FGF14: variants seen among roughly 807,000 people sequenced by gnomAD.
FGF14 encodes fibroblast growth factor homologous factor 4.
FGF14 carries 5 observed loss-of-function variants against 25.5 expected under a neutral mutation model. That is an observed-to-expected ratio of 0.20 (90% CI 0.10 to 0.41). FGF14 has a LOEUF of 0.41. FGF14 is among the 10% of genes least tolerant of loss of function. The pLI is 1.00. For synonymous variants in FGF14, 138 were observed against 118.3 expected (o/e 1.17, Z -1.08); for missense variants, 222 against 320.1 (o/e 0.69, Z 2.34).
At chr13:102,354,730 T>A (rs1465106514) in intron 1 of FGF14, among the ~76,000 whole-genome samples, 1 of 152,206 alleles carries the variant, frequency 6.6e-6, no homozygotes, top group African/African-American at 2.4e-5. Flanking sequence ...GATTGAGTCC[T>A]ATCTCAGATA....
intron 3 of FGF14, among the ~76,000 whole-genome samples, chr13:101,827,656 AT>A (rs2042453499): frequency 6.6e-6 from 1 of 151,920 alleles, no homozygotes; most frequent in African/African-American, 2.4e-5. Flanking sequence ...TGAAAACAAC[AT>A]TTTTTAACCT....
At chr13:102,158,270 C>T (rs536613799) in intron 1 of FGF14, among the ~76,000 whole-genome samples, 82 of 152,256 alleles carry the variant, frequency 5.4e-4, no homozygotes, top group African/African-American at 1.9e-3. Flanking sequence ...GGAACCAACC[C>T]AAATGTCCAA....
At chr13:101,797,669 T>A (rs992424135) in intron 3 of FGF14, among the ~76,000 whole-genome samples, 1 of 151,444 alleles carries the variant, frequency 6.6e-6, no homozygotes, top group Non-Finnish European at 1.5e-5. Flanking sequence ...TGAAAATGTA[T>A]TATCTGACCA....
intron 1 of FGF14, among the ~76,000 whole-genome samples, chr13:102,361,491 T>G (rs2057564104): frequency 6.6e-6 from 1 of 152,152 alleles, no homozygotes; most frequent in African/African-American, 2.4e-5. Context: ...CTGTGTTGGT[T>G]GTGAATTTTC....
chr13:102,182,075 C>G (rs935978352), intron 1 of FGF14, among the ~76,000 whole-genome samples: 3 of 151,984 alleles, frequency 2.0e-5, no homozygotes, highest in African/African-American at 7.3e-5. Context: ...ACTCCTGGAC[C>G]CTGCATTGTG....
chr13:101,721,906 C>G lies in FGF14; in HGVS notation c.*925G>C, dbSNP rs1035838081. On this transcript the variant is annotated 3_prime_UTR_variant, in exon 5 of 5. Coordinates refer to ENST00000376143, the MANE Select transcript of FGF14 (RefSeq NM_004115.4). Reference sequence around the variant, plus strand: ...GAGAATTAATAGATGAAAAATGAACCTTAATCAGGCCTACAAGGCCTACAG... The same window carrying G: ...GAGAATTAATAGATGAAAAATGAACGTTAATCAGGCCTACAAGGCCTACAG... The G allele has an allele frequency of 2.7e-5, 4 of 150,626 alleles. No homozygotes were observed. Among genetic ancestry groups the G allele is most frequent in the Admixed American group, 2.7e-4 (4 of 15,088 alleles). 9.3% of individuals were successfully genotyped at this position (150,626 alleles called of 1,614,324 possible).
At chr13:102,364,240 C>A (rs1046515789) in intron 1 of FGF14, among the ~76,000 whole-genome samples, 2 of 152,236 alleles carry the variant, frequency 1.3e-5, no homozygotes, top group African/African-American at 2.4e-5. Context: ...ATCAAAAGCA[C>A]TTGTGCTGTA....
intron 1 of FGF14, among the ~76,000 whole-genome samples, chr13:102,082,471 A>C (rs2043670884): frequency 6.6e-6 from 1 of 152,218 alleles, no homozygotes; most frequent in African/African-American, 2.4e-5. Flanking sequence ...CACAACCAGA[A>C]AATCAACAAC....
At chr13:102,277,462 T>C (rs961555193) in intron 1 of FGF14, among the ~76,000 whole-genome samples, 15 of 152,350 alleles carry the variant, frequency 9.8e-5, no homozygotes, top group Middle Eastern at 6.8e-3. Flanking sequence ...ACTGGTGTTA[T>C]GTAGATGATT....
At chr13:102,099,008 G>T (rs2044532736) in intron 1 of FGF14, among the ~76,000 whole-genome samples, 1 of 152,158 alleles carries the variant, frequency 6.6e-6, no homozygotes, top group Admixed American at 6.5e-5. Flanking sequence ...AAGCAGGCAG[G>T]AAGGAAGCCT....
intron 1 of FGF14, among the ~76,000 whole-genome samples, chr13:102,089,183 C>G (rs1351112387): frequency 6.6e-6 from 1 of 152,106 alleles, no homozygotes; most frequent in Non-Finnish European, 1.5e-5. Context: ...TTGAGTCTAG[C>G]GTATATTTTA....
At chr13:101,752,931 A>G (rs1442802855) in intron 3 of FGF14, among the ~76,000 whole-genome samples, 1 of 152,192 alleles carries the variant, frequency 6.6e-6, no homozygotes, top group Non-Finnish European at 1.5e-5. Flanking sequence ...AGGGGCACAT[A>G]ACCACACCTA....
At chr13:102,326,197 GC>G (rs1403794219) in intron 1 of FGF14, among the ~76,000 whole-genome samples, 13 of 152,088 alleles carry the variant, frequency 8.5e-5, no homozygotes, top group African/African-American at 2.9e-4. Context: ...AGCATCAAAT[GC>G]AAGCATCAAA....
At chr13:101,832,175 T>C (rs73557496) in intron 3 of FGF14, among the ~76,000 whole-genome samples, 2,006 of 151,694 alleles carry the variant, frequency 0.013, 55 homozygotes, top group African/African-American at 0.046. Flanking sequence ...GAGGCAGAGA[T>C]TGAGTGATGT....
chr13:101,856,957 G>T (rs1594502100), intron 3 of FGF14, among the ~76,000 whole-genome samples: 1 of 151,952 alleles, frequency 6.6e-6, no homozygotes, highest in Non-Finnish European at 1.5e-5. Flanking sequence ...ATTATAAAAG[G>T]TCCATAGTGG....
intron 3 of FGF14, among the ~76,000 whole-genome samples, chr13:101,791,894 G>A (rs1165758799): frequency 6.6e-6 from 1 of 152,080 alleles, no homozygotes; most frequent in Non-Finnish European, 1.5e-5. Context: ...ATGACAAGCT[G>A]GATGTGTTTA....
intron 1 of FGF14, among the ~76,000 whole-genome samples, chr13:102,210,136 C>T (rs1217439191): frequency 6.6e-6 from 1 of 150,806 alleles, no homozygotes; most frequent in Non-Finnish European, 1.5e-5. Flanking sequence ...TAATGAAAAT[C>T]TAATTCAGAA....
chr13:101,967,392 T>C (rs1026256503), intron 1 of FGF14, among the ~76,000 whole-genome samples: 1 of 152,224 alleles, frequency 6.6e-6, no homozygotes, highest in Admixed American at 6.5e-5. Context: ...GTGGTAAAGT[T>C]AAAATTGTTT....
chr13:102,320,814 G>C (rs1213861132), intron 1 of FGF14, among the ~76,000 whole-genome samples: 1 of 152,166 alleles, frequency 6.6e-6, no homozygotes, highest in East Asian at 1.9e-4. Context: ...ATAGGAGAAT[G>C]GATAGTGAAT....
Sources: allele counts gnomAD v4.1 joint callset (sites outside exome capture counted in the v4.1 genomes callset), GRCh38; gene constraint gnomAD v4.1.1; transcripts MANE v1.5; gene names NCBI Gene and HGNC (gene_info 2026-07-23, HGNC 2026-07-21).